PCDHA9: variants seen among roughly 807,000 people sequenced by gnomAD.
The protein encoded by PCDHA9 is protocadherin alpha 9.
A neutral mutation model predicts 62.0 loss-of-function variants in PCDHA9; 62 were observed. The ratio of observed to expected loss-of-function variants is 1.00; its 90% CI spans 0.81 to 1.23. PCDHA9 has a LOEUF of 1.23. Ranked by LOEUF, PCDHA9 falls within the 50% of genes most tolerant of loss-of-function variation. The pLI is 0.00. For synonymous variants in PCDHA9, 557 were observed against 567.6 expected, an observed-to-expected ratio of 0.98 and a Z score of 0.27; for missense variants, 1,205 against 1,249.8, an observed-to-expected ratio of 0.96 and a Z score of 0.54.
Position 140,856,558 on chromosome 5 carries a change from A to C in PCDHA9, c.2394+5669A>C, listed in dbSNP as rs372031038. ...GAGAGAACGCATTGCTTACTTACAAACTCAGTCCAAATGAGTATTTTGTTC... is the reference window on the plus strand; with the variant it reads ...GAGAGAACGCATTGCTTACTTACAACCTCAGTCCAAATGAGTATTTTGTTC... On this transcript the variant is annotated intron_variant, in intron 1 of 3. Coordinates refer to ENST00000532602, the MANE Select transcript of PCDHA9 (RefSeq NM_031857.2). The C allele has an allele frequency of 1.3e-5, 21 of 1,598,088 alleles. 2 individuals are homozygous for C. The East Asian group carries it at 1.8e-4, about 14-fold the overall frequency.
chr5:140,917,164 G>C (rs155804), intron 1 of PCDHA9, among the ~76,000 whole-genome samples: 48,022 of 151,994 alleles, frequency 0.32, 7,940 homozygotes, highest in East Asian at 0.52. Context: ...TATGGGAGGG[G>C]TGATGGTGGT....
chr5:140,952,334 A>G (rs1585456390), intron 1 of PCDHA9, among the ~76,000 whole-genome samples: 1 of 103,312 alleles, frequency 9.7e-6, no homozygotes, highest in East Asian at 2.9e-4. Context: ...GTGAAACTCC[A>G]TCTCAAAAAA....
chr5:140,927,137 A>G, intron 1 of PCDHA9: 2 of 1,614,052 alleles, frequency 1.2e-6, no homozygotes, highest in South Asian at 2.2e-5. Context: ...GAGCCGGCGG[A>G]CCGCGAACAG....
At chr5:140,997,668 T>TTGTGTGTGTGTGTGTGTG (rs35184029) in intron 3 of PCDHA9, among the ~76,000 whole-genome samples, 77 of 148,344 alleles carry the variant, frequency 5.2e-4, no homozygotes, top group African/African-American at 1.8e-3. Context: ...ATTATACAGC[T>TTGTGTGTGTGTGTGTGTG]TGTGTGTGTG....
intron 1 of PCDHA9, among the ~76,000 whole-genome samples, chr5:140,913,431 C>G (rs1554195920): frequency 6.6e-6 from 1 of 152,036 alleles, no homozygotes; most frequent in African/African-American, 2.4e-5. Flanking sequence ...AGTTGTAATG[C>G]CTCCTTTTTC....
chr5:140,950,723 A>AT (rs1196047674), intron 1 of PCDHA9, among the ~76,000 whole-genome samples: 72 of 152,102 alleles, frequency 4.7e-4, no homozygotes, highest in African/African-American at 1.6e-3. Flanking sequence ...ATATCCTTAA[A>AT]TTTTTTAATC....
chr5:141,007,728 G>A (rs2098342783), intron 3 of PCDHA9, among the ~76,000 whole-genome samples: 1 of 152,096 alleles, frequency 6.6e-6, no homozygotes, highest in Non-Finnish European at 1.5e-5. Context: ...GAGAACAAAG[G>A]TTAACCACTG....
At chr5:140,910,072 T>A (rs546252378) in intron 1 of PCDHA9, among the ~76,000 whole-genome samples, 359 of 152,300 alleles carry the variant, frequency 2.4e-3, no homozygotes, top group African/African-American at 8.0e-3. Flanking sequence ...ACAGCGTAAA[T>A]TGTTGTCAAG....
At position 140,856,324 on chromosome 5, in the gene PCDHA9, G is replaced by A. The variant is rs1221183425; in HGVS notation, c.2394+5435G>A. ...TTGTGAATTCTCGGATTGACCGCGA[G>A]GAGCTGTGCGGGCGGAGCGTGGAGT... On this transcript the variant is annotated intron_variant, in intron 1 of 3. Coordinates refer to ENST00000532602, the MANE Select transcript of PCDHA9 (RefSeq NM_031857.2). The A allele has an allele frequency of 6.3e-6, 10 of 1,598,594 alleles. 1 individual carries two copies. Among genetic ancestry groups the A allele is most frequent in the Non-Finnish European group, 8.6e-6 (10 of 1,168,074 alleles).
intron 1 of PCDHA9, among the ~76,000 whole-genome samples, chr5:140,874,875 C>T (rs1198638735): frequency 2.6e-5 from 4 of 152,134 alleles, no homozygotes; most frequent in African/African-American, 9.7e-5. Flanking sequence ...TTGTTAAATA[C>T]AAATTCCTAA....
chr5:140,963,300 TAAG>T (rs1387833703), intron 1 of PCDHA9, among the ~76,000 whole-genome samples: 2 of 152,120 alleles, frequency 1.3e-5, no homozygotes, highest in African/African-American at 4.8e-5. Flanking sequence ...GGAGAGAAAA[TAAG>T]AAGCTGTTTG....
chr5:141,010,696 C>A lies in PCDHA9; in HGVS notation c.*759C>A. ...AAACAGAAGCAGATCTGATGTGTTT[C>A]CTATACATGTCCTGTGCTCACTTTA... On this transcript the variant is annotated 3_prime_UTR_variant, in exon 4 of 4. Transcript: ENST00000532602. The A allele has an allele frequency of 6.3e-6, 1 of 159,082 alleles. No individual in the cohort carries two copies. The highest frequency in any genetic ancestry group is 1.4e-5 in the Non-Finnish European group (1 of 71,522). 9.9% of individuals were successfully genotyped at this position (159,082 alleles called of 1,614,324 possible).
intron 1 of PCDHA9, chr5:140,869,690 T>A (rs902099652): frequency 6.2e-7 from 1 of 1,613,456 alleles, no homozygotes. Context: ...TCACTTATTT[T>A]AAAGAAGTCT....
intron 3 of PCDHA9, among the ~76,000 whole-genome samples, chr5:140,990,073 GA>G (rs1319076601): frequency 2.6e-5 from 4 of 152,060 alleles, no homozygotes; most frequent in Non-Finnish European, 5.9e-5. Context: ...AAATAAGGGG[GA>G]CAAAGGATGC....
chr5:140,852,319 C>T (rs2150515438), intron 1 of PCDHA9: 6 of 325,372 alleles, frequency 1.8e-5, no homozygotes, highest in Non-Finnish European at 2.8e-5. Context: ...TTTCTGCCAC[C>T]CAGGCTGGAG....
intron 1 of PCDHA9, chr5:140,877,656 C>T (rs782196097): frequency 4.3e-6 from 7 of 1,613,442 alleles, no homozygotes; most frequent in African/African-American, 4.0e-5. Flanking sequence ...CGCCGCCCAC[C>T]GTGAGCCGGT....
intron 1 of PCDHA9, among the ~76,000 whole-genome samples, chr5:140,899,991 G>C (rs2067668603): frequency 6.6e-6 from 1 of 151,712 alleles, no homozygotes; most frequent in African/African-American, 2.4e-5. Context: ...GATTTTTTTT[G>C]TAGAGATGAG....
At chr5:140,954,065 G>A (rs2153701349) in intron 1 of PCDHA9, among the ~76,000 whole-genome samples, 1 of 152,278 alleles carries the variant, frequency 6.6e-6, no homozygotes, top group African/African-American at 2.4e-5. Context: ...TTATTATGCT[G>A]AGGATAATGG....
At chr5:140,899,814 G>A (rs1212568701) in intron 1 of PCDHA9, among the ~76,000 whole-genome samples, 8 of 152,012 alleles carry the variant, frequency 5.3e-5, no homozygotes, top group African/African-American at 7.2e-5. Flanking sequence ...ATTTTGTTTT[G>A]TTTTTCCTTT....
Sources: allele counts gnomAD v4.1 joint callset (sites outside exome capture counted in the v4.1 genomes callset), GRCh38; gene constraint gnomAD v4.1.1; transcripts MANE v1.5; gene names NCBI Gene and HGNC (gene_info 2026-07-23, HGNC 2026-07-21).